Variants in TJP1 observed in about 807,000 individuals in gnomAD.
TJP1 encodes tight junction protein 1.
A neutral mutation model predicts 194.2 loss-of-function variants in TJP1; 43 were observed. The observed-to-expected ratio is 0.22, with a 90% CI of 0.17 to 0.29. The LOEUF is 0.29. Ranked by LOEUF, TJP1 falls within the 10% of genes least tolerant of loss-of-function variation. The pLI, the probability that TJP1 is intolerant of heterozygous loss-of-function variation, is 1.00. For missense variants in TJP1, 1,971 were observed against 2,185.7 expected, an observed-to-expected ratio of 0.90 and a Z score of 1.96; for synonymous variants, 801 against 779.0, an observed-to-expected ratio of 1.03 and a Z score of -0.47.
chr15:29,867,234 T>C (rs961052796), intron 2 of TJP1, among the ~76,000 whole-genome samples: 1 of 152,232 alleles, frequency 6.6e-6, no homozygotes, highest in Admixed American at 6.5e-5. Context: ...ATGCTGTTTG[T>C]GGCTAATATT....
At chr15:29,949,541 A>ACCACCTCCACCTCCACCACCT (rs2055506458) in intron 2 of TJP1, among the ~76,000 whole-genome samples, 1 of 94,842 alleles carries the variant, frequency 1.1e-5, no homozygotes, top group African/African-American at 3.6e-5. Context: ...CTCCACCACC[A>ACCACCTCCACCTCCACCACCT]CCACCTCCAC....
At position 29,708,929 on chromosome 15, in the gene TJP1, C is replaced by A; in HGVS notation, c.4480G>T (p.Ala1494Ser). Residue 1494 changes from alanine to serine, a missense_variant, in exon 25 of 28, where the codon GCT (alanine) becomes TCT (serine). By Grantham distance (99) the Ala-to-Ser change is moderately conservative. Coordinates refer to ENST00000614355, the MANE Select transcript of TJP1 (RefSeq NM_001330239.4). Reference protein sequence around the residue: ...TFRPPNREDTAQAAFYPQKSF... With the variant: ...TFRPPNREDTSQAAFYPQKSF... ...TTCTGGGGATAGAAAGCTGCCTGAG[C>A]AGTATCTTCTCGGTTTGGTGGTCTG... The A allele has an allele frequency of 6.2e-7, 1 of 1,614,104 alleles. No individual in the cohort carries two copies. The highest frequency in any genetic ancestry group is 8.5e-7 in the Non-Finnish European group (1 of 1,180,032).
intron 23 of TJP1, among the ~76,000 whole-genome samples, chr15:29,714,537 CTT>C (rs58378713): frequency 6.4e-4 from 57 of 88,978 alleles, no homozygotes; most frequent in African/African-American, 2.6e-3. Context: ...TGCGCCCAGC[CTT>C]TTTTTTTTTT....
rs190558558 is a variant in TJP1 at position 29,708,763 on chromosome 15, T to C, written c.4646A>G (p.Asn1549Ser). The C allele has an allele frequency of 9.3e-6, 15 of 1,614,206 alleles. No individual in the cohort carries two copies. In the East Asian group the frequency reaches 2.7e-4, roughly 29 times the overall value. ...FERKFESPKF[N>S]HNLLPSETAH... ...AGTTTCACTTGGCAGAAGATTGTGA[T>C]TGAATTTAGGACTTTCAAACTTGCG... is the stretch of plus-strand genomic sequence containing the variant. The change falls in exon 25 of 28, where the codon AAT (asparagine) becomes AGT (serine). Residue 1549 changes from asparagine to serine, a missense_variant. By Grantham distance (46) the Asn-to-Ser change is conservative (BLOSUM62 1). Around this residue, in one of 5 missense-constraint regions of TJP1, gnomAD observed 1,108 missense variants for 1,128.5 expected, o/e 0.98. Transcript: ENST00000614355.
At chr15:29,927,082 T>C (rs1301528655) in intron 2 of TJP1, among the ~76,000 whole-genome samples, 1 of 152,072 alleles carries the variant, frequency 6.6e-6, no homozygotes, top group African/African-American at 2.4e-5. Flanking sequence ...AAAAACATGA[T>C]AGTGAGGTGG....
chr15:29,950,868 G>A (rs2055724042), intron 2 of TJP1, among the ~76,000 whole-genome samples: 2 of 152,142 alleles, frequency 1.3e-5, no homozygotes, highest in South Asian at 2.1e-4. Flanking sequence ...AAGTCTCGAG[G>A]TTACATTCTG....
At chr15:29,786,002 T>C (rs904287559) in intron 2 of TJP1, among the ~76,000 whole-genome samples, 6 of 152,224 alleles carry the variant, frequency 3.9e-5, no homozygotes, top group African/African-American at 1.2e-4. Flanking sequence ...TTTGATTCCA[T>C]GGGGATCCCA....
chr15:29,901,937 C>A (rs1231135180), intron 2 of TJP1, among the ~76,000 whole-genome samples: 1 of 151,882 alleles, frequency 6.6e-6, no homozygotes, highest in African/African-American at 2.4e-5. Flanking sequence ...TTTGTACCAG[C>A]CCGTAATTCT....
intron 2 of TJP1, among the ~76,000 whole-genome samples, chr15:29,842,115 G>A (rs185410605): frequency 3.1e-4 from 47 of 152,290 alleles, no homozygotes; most frequent in African/African-American, 1.0e-3. Flanking sequence ...ATCATTGATA[G>A]AGTCTTAGAA....
At chr15:29,760,011 G>A (rs183209753) in intron 8 of TJP1, 23 of 507,980 alleles carry the variant, frequency 4.5e-5, no homozygotes, top group Admixed American at 3.3e-4. Context: ...GTGCTAGTTC[G>A]TTCTGGTTTT....
intron 2 of TJP1, among the ~76,000 whole-genome samples, chr15:29,926,064 C>A (rs2054514460): frequency 6.6e-6 from 1 of 152,158 alleles, no homozygotes. Context: ...TGCCAGGACC[C>A]ACACTCCCCC....
chr15:29,836,429 C>T (rs560333237), intron 2 of TJP1, among the ~76,000 whole-genome samples: 65 of 152,058 alleles, frequency 4.3e-4, no homozygotes, highest in African/African-American at 1.4e-3. Context: ...CCCGCCACCA[C>T]GCCTGGCTAA....
intron 1 of TJP1, chr15:29,968,493 G>C: frequency 1.1e-6 from 1 of 897,364 alleles, no homozygotes; most frequent in Non-Finnish European, 1.3e-6. Flanking sequence ...TCGGCCCTGG[G>C]CTCGGCCTTG....
upstream of TJP1, chr15:29,823,108 C>G (rs2050531311): frequency 6.6e-6 from 1 of 152,302 alleles, no homozygotes; most frequent in Admixed American, 6.5e-5. Flanking sequence ...GCCCACACCC[C>G]ACATTAGACC....
chr15:29,736,801 C>A (rs2044061371), intron 11 of TJP1, among the ~76,000 whole-genome samples: 1 of 152,076 alleles, frequency 6.6e-6, no homozygotes, highest in Admixed American at 6.5e-5. Flanking sequence ...TGTGTCTGAG[C>A]CATTATCTGG....
intron 10 of TJP1, among the ~76,000 whole-genome samples, chr15:29,739,781 T>C (rs2044275277): frequency 6.6e-6 from 1 of 151,848 alleles, no homozygotes; most frequent in Non-Finnish European, 1.5e-5. Flanking sequence ...TTCCTAAACC[T>C]CAAACACTTA....
intron 8 of TJP1, among the ~76,000 whole-genome samples, chr15:29,757,494 CTT>C (rs956424689): frequency 6.6e-6 from 1 of 152,084 alleles, no homozygotes; most frequent in Admixed American, 6.6e-5. Flanking sequence ...GCATTTTACT[CTT>C]ATAATGTATC....
intron 5 of TJP1, among the ~76,000 whole-genome samples, chr15:29,762,712 A>C (rs1161109909): frequency 6.6e-6 from 1 of 152,158 alleles, no homozygotes; most frequent in Non-Finnish European, 1.5e-5. Flanking sequence ...CCCCAAGAGG[A>C]CACCATTTCT....
intron 8 of TJP1, among the ~76,000 whole-genome samples, chr15:29,754,528 A>G (rs1034925489): frequency 6.6e-6 from 1 of 152,218 alleles, no homozygotes; most frequent in Non-Finnish European, 1.5e-5. Flanking sequence ...AAAAATTAAA[A>G]AGAAATTCAC....
Sources: gnomAD v4.1 joint callset for allele counts (sites outside exome capture counted in the v4.1 genomes callset) on GRCh38, gnomAD v4.1.1 for gene constraint, gnomAD v4.1.1 regional missense constraint, MANE v1.5 for transcripts, NCBI Gene and HGNC (gene_info 2026-07-23, HGNC 2026-07-21) for gene names.